The following DOCK8 variants were observed in gnomAD, a reference collection of about 807,000 sequenced individuals.
The protein encoded by DOCK8 is dedicator of cytokinesis protein 8.
A neutral mutation model predicts 245.6 loss-of-function variants in DOCK8; 141 were observed. The ratio of observed to expected loss-of-function variants is 0.57; its 90% CI spans 0.50 to 0.66. DOCK8 has a LOEUF of 0.66. Among genes scored for constraint, DOCK8 ranks in the 30% least tolerant of loss-of-function variants. The pLI is 0.00. For missense variants in DOCK8, 2,965 were observed against 2,603.4 expected (o/e 1.14, Z -3.02); for synonymous variants, 1,168 against 970.2 (o/e 1.20, Z -3.79).
At chr9:272,913 A>C (rs1175818315) in intron 2 of DOCK8, 1 of 391,464 alleles carries the variant, frequency 2.6e-6, no homozygotes, top group Admixed American at 6.4e-5. Flanking sequence ...ACTTCCTCAC[A>C]CAGCACAGCA....
intron 39 of DOCK8, among the ~76,000 whole-genome samples, chr9:436,634 G>A (rs1271709977): frequency 6.6e-6 from 1 of 151,952 alleles, no homozygotes; most frequent in Non-Finnish European, 1.5e-5. Flanking sequence ...CTAGAATTCA[G>A]TTGATTTGCT....
intron 30 of DOCK8, 24 bp from the exon 31 acceptor site, chr9:420,377 A>G: frequency 1.9e-6 from 3 of 1,613,878 alleles, no homozygotes; most frequent in Non-Finnish European, 2.5e-6. Flanking sequence ...CCTGGCCTCC[A>G]TCCCCCAATC....
At chr9:455,870 C>T (rs759513363) in intron 46 of DOCK8, among the ~76,000 whole-genome samples, 3 of 152,006 alleles carry the variant, frequency 2.0e-5, no homozygotes, top group Non-Finnish European at 4.4e-5. Context: ...AGCAAACATG[C>T]TCAAACTGCT....
chr9:288,197 T>C (rs2048901276), intron 3 of DOCK8, among the ~76,000 whole-genome samples: 1 of 152,100 alleles, frequency 6.6e-6, no homozygotes, highest in Non-Finnish European at 1.5e-5. Flanking sequence ...ACTATTTCAG[T>C]TGTTGCCAAA....
intron 14 of DOCK8, among the ~76,000 whole-genome samples, chr9:351,371 A>G (rs1427587896): frequency 1.3e-5 from 2 of 152,148 alleles, no homozygotes; most frequent in African/African-American, 2.4e-5. Flanking sequence ...TTCAACACAA[A>G]TCATGGCTGG....
At chr9:412,912 C>G (rs918801261) in intron 28 of DOCK8, among the ~76,000 whole-genome samples, 1 of 150,040 alleles carries the variant, frequency 6.7e-6, no homozygotes, top group African/African-American at 2.5e-5. Context: ...CAAACTGATC[C>G]TAAAATTCGT....
chr9:394,988 C>G (rs995097620), intron 24 of DOCK8, among the ~76,000 whole-genome samples: 1 of 152,194 alleles, frequency 6.6e-6, no homozygotes, highest in Non-Finnish European at 1.5e-5. Flanking sequence ...TTCTGAAAGC[C>G]TTAGTGCTGG....
At chr9:401,939 C>T (rs576914169) in intron 26 of DOCK8, among the ~76,000 whole-genome samples, 12 of 152,306 alleles carry the variant, frequency 7.9e-5, no homozygotes, top group South Asian at 4.1e-4. Flanking sequence ...TGCCCTGCAG[C>T]GGATCTTCTG....
At chr9:220,209 G>T (rs1244474547) in intron 1 of DOCK8, among the ~76,000 whole-genome samples, 1 of 152,054 alleles carries the variant, frequency 6.6e-6, no homozygotes, top group Non-Finnish European at 1.5e-5. Context: ...ATTTAGAATC[G>T]GTTCCTTCCA....
chr9:259,479 T>G (rs2047865350), intron 1 of DOCK8, among the ~76,000 whole-genome samples: 1 of 152,184 alleles, frequency 6.6e-6, no homozygotes, highest in South Asian at 2.1e-4. Flanking sequence ...TAACAGAATG[T>G]TCTTTGGAGT....
intron 1 of DOCK8, among the ~76,000 whole-genome samples, chr9:258,845 G>A (rs886674002): frequency 4.6e-5 from 7 of 151,926 alleles, no homozygotes; most frequent in African/African-American, 1.5e-4. Context: ...TGATCTGCCC[G>A]CCTTGGCCTC....
intron 9 of DOCK8, among the ~76,000 whole-genome samples, chr9:330,001 T>C (rs927909017): frequency 4.6e-5 from 7 of 152,352 alleles, no homozygotes; most frequent in Non-Finnish European, 1.0e-4. Flanking sequence ...AAATATATAG[T>C]AAATGGTGTT....
intron 24 of DOCK8, among the ~76,000 whole-genome samples, chr9:396,056 A>T (rs1480402309): frequency 6.6e-6 from 1 of 152,126 alleles, no homozygotes; most frequent in South Asian, 2.1e-4. Context: ...TAATCTGTAT[A>T]TAGATATTTT....
intron 38 of DOCK8, among the ~76,000 whole-genome samples, chr9:434,195 TATA>T (rs1188584317): frequency 1.3e-5 from 2 of 152,156 alleles, no homozygotes; most frequent in South Asian, 2.1e-4. Flanking sequence ...TGTTATTAAA[TATA>T]ATAACATTAT....
chr9:244,187 G>GAA (rs60148430), intron 1 of DOCK8, among the ~76,000 whole-genome samples: 20 of 88,410 alleles, frequency 2.3e-4, no homozygotes, highest in Admixed American at 4.2e-4. Context: ...GACTCCGTCT[G>GAA]AAAAAAAAAA....
intron 10 of DOCK8, among the ~76,000 whole-genome samples, chr9:333,035 A>C (rs555447453): frequency 3.3e-5 from 5 of 152,152 alleles, no homozygotes; most frequent in African/African-American, 1.2e-4. Flanking sequence ...GCATAACTTG[A>C]TTGGGGCAAG....
rs936928050 is a variant in DOCK8, at chr9:449,670, G to A, written c.5818-114G>A. ...AAGAGTATTTTAAATTACTCTGAAA[G>A]TCTTTCCCTAGCTGCCTCTTCAAAT... On this transcript the variant is annotated intron_variant, in intron 44 of 47. Coordinates refer to ENST00000432829, the MANE Select transcript of DOCK8 (RefSeq NM_203447.4). 6 of 1,338,936 alleles carry A rather than the reference G, an allele frequency of 4.5e-6. No homozygotes were observed. In the South Asian group the frequency reaches 7.1e-5, roughly 16 times the overall value. The allele number at this position is 1,338,936 out of a possible 1,614,324, so 82.9% of individuals were successfully genotyped here.
chr9:453,099 A>C (rs1353422113), intron 46 of DOCK8, among the ~76,000 whole-genome samples: 1 of 152,250 alleles, frequency 6.6e-6, no homozygotes, highest in Non-Finnish European at 1.5e-5. Context: ...AAACTCATCA[A>C]AATGCTAGCA....
intron 1 of DOCK8, among the ~76,000 whole-genome samples, chr9:236,754 G>T (rs781000270): frequency 1.3e-5 from 2 of 152,204 alleles, no homozygotes; most frequent in East Asian, 3.9e-4. Context: ...TGCAGATCGA[G>T]TGGTTCTCCT....
Sources: allele counts gnomAD v4.1 joint callset (sites outside exome capture counted in the v4.1 genomes callset), GRCh38; gene constraint gnomAD v4.1.1; transcripts MANE v1.5; gene names NCBI Gene and HGNC (gene_info 2026-07-23, HGNC 2026-07-21).